Variants in RTKN2 observed in about 807,000 individuals in gnomAD.
RTKN2 encodes rhotekin 2, also known as rhotekin-2.
RTKN2 carries 69 observed loss-of-function variants against 71.5 expected under a neutral mutation model. The observed-to-expected ratio is 0.96, with a 90% CI of 0.79 to 1.18. RTKN2 has a LOEUF of 1.18. Among genes scored for constraint, RTKN2 ranks in the 50% most tolerant of loss-of-function variants. RTKN2 has a pLI of 0.00. For missense variants in RTKN2, 724 were observed against 719.7 expected, an observed-to-expected ratio of 1.01 and a Z score of -0.07; for synonymous variants, 236 against 236.5, an observed-to-expected ratio of 1.00 and a Z score of 0.02.
intron 7 of RTKN2, among the ~76,000 whole-genome samples, chr10:62,218,673 C>G (rs1005807350): frequency 1.3e-5 from 2 of 152,144 alleles, no homozygotes; most frequent in African/African-American, 4.8e-5. Flanking sequence ...TTGTCAAATT[C>G]TACTTTTTGT....
chr10:62,221,026 G>T (rs1443197209), intron 7 of RTKN2, among the ~76,000 whole-genome samples: 3 of 151,434 alleles, frequency 2.0e-5, no homozygotes, highest in Non-Finnish European at 4.4e-5. Context: ...AAATTCTAAG[G>T]CTTATAATTC....
chr10:62,248,122 A>T (rs1842511497), intron 2 of RTKN2, among the ~76,000 whole-genome samples: 1 of 152,110 alleles, frequency 6.6e-6, no homozygotes. Context: ...TCTCCCCTGC[A>T]ATTATAAATT....
Position 62,199,607 on chromosome 10 carries a change from T to C in RTKN2, c.1294+147A>G, listed in dbSNP as rs921580607. 2.2e-5 allele frequency: 11 copies of C among 497,448 alleles called. No individual in the cohort carries two copies. The Admixed American group carries it at 3.7e-4, about 17-fold the overall frequency. 30.8% of individuals were successfully genotyped at this position (497,448 alleles called of 1,614,324 possible). ...TATTAATTCATCTATTAAACATGAG[T>C]TCCTTAGTCTATAATCAGTCTTTTT... On this transcript the variant is annotated intron_variant, in intron 11 of 11. Transcript: ENST00000373789.
intron 7 of RTKN2, among the ~76,000 whole-genome samples, chr10:62,222,134 G>A (rs1256882784): frequency 6.6e-6 from 1 of 152,096 alleles, no homozygotes; most frequent in Non-Finnish European, 1.5e-5. Context: ...CTTGAGACAG[G>A]GTCTCACTCT....
At chr10:62,228,007 G>A (rs1260985030) in intron 6 of RTKN2, among the ~76,000 whole-genome samples, 4 of 152,042 alleles carry the variant, frequency 2.6e-5, no homozygotes, top group African/African-American at 9.7e-5. Context: ...TTCAGTTTGG[G>A]GCAAATAAGT....
At chr10:62,261,492 A>G (rs1842773775) in intron 2 of RTKN2, among the ~76,000 whole-genome samples, 1 of 148,596 alleles carries the variant, frequency 6.7e-6, no homozygotes, top group African/African-American at 2.5e-5. Context: ...ATACAAATAC[A>G]AAAAAAAAAT....
intron 2 of RTKN2, chr10:62,259,315 A>C: frequency 3.2e-6 from 1 of 312,524 alleles, no homozygotes; most frequent in Non-Finnish European, 6.6e-6. Flanking sequence ...AACAGTGTGA[A>C]AATGAACTAA....
chr10:62,219,359 T>C (rs1841854613), intron 7 of RTKN2, among the ~76,000 whole-genome samples: 1 of 152,124 alleles, frequency 6.6e-6, no homozygotes, highest in African/African-American at 2.4e-5. Flanking sequence ...TAGAGCCCAA[T>C]GAATGAAGAA....
chr10:62,233,375 T>G (rs1241332651), intron 6 of RTKN2, among the ~76,000 whole-genome samples: 1 of 152,124 alleles, frequency 6.6e-6, no homozygotes, highest in East Asian at 1.9e-4. Context: ...TAAAGTACCT[T>G]CCAGCAAATC....
At chr10:62,257,260 T>C (rs765402854) in intron 2 of RTKN2, among the ~76,000 whole-genome samples, 1 of 152,168 alleles carries the variant, frequency 6.6e-6, no homozygotes, top group African/African-American at 2.4e-5. Context: ...TCAGACATTG[T>C]CCCTGTTTCC....
rs1242542131 is a variant in RTKN2, at chr10:62,196,445, C to G, written c.*1463G>C. On this transcript the variant is annotated 3_prime_UTR_variant, in exon 12 of 12. Coordinates refer to ENST00000373789, the MANE Select transcript of RTKN2 (RefSeq NM_145307.4). ...TTCAATTCTTACTAGGAGTCCTGGGCAAACACAAAAGTGTCCTGGCAGTTA... is the reference window on the plus strand; with the variant it reads ...TTCAATTCTTACTAGGAGTCCTGGGGAAACACAAAAGTGTCCTGGCAGTTA... The G allele has an allele frequency of 6.1e-6, 6 of 985,214 alleles. No homozygotes were observed. The highest frequency in any genetic ancestry group is 6.0e-6 in the Non-Finnish European group (5 of 829,876). The allele number at this position is 985,214 out of a possible 1,614,324, so 61.0% of individuals were successfully genotyped here.
Position 62,196,625 on chromosome 10 carries a change from A to G in RTKN2, c.*1283T>C. 2.0e-6 allele frequency: 2 copies of G among 983,110 alleles called. No individual in the cohort carries two copies. The highest frequency in any genetic ancestry group is 2.4e-6 in the Non-Finnish European group (2 of 827,814). The allele number at this position is 983,110 out of a possible 1,614,324, so 60.9% of individuals were successfully genotyped here. ...TCTTGCTAGCTTTAAAAAGATCTCA[A>G]GAGATTATACACAGGGCAGCAATTT... On this transcript the variant is annotated 3_prime_UTR_variant, in exon 12 of 12. Coordinates refer to ENST00000373789, the MANE Select transcript of RTKN2 (RefSeq NM_145307.4).
intron 5 of RTKN2, 173 bp downstream of exon 5, chr10:62,239,475 T>G: frequency 2.4e-6 from 1 of 421,572 alleles, no homozygotes; most frequent in Non-Finnish European, 4.2e-6. Flanking sequence ...AAACTGCAGA[T>G]AGAGAAATGG....
At chr10:62,242,230 CTCTTACTTGCTAATT>C (rs1409251039) in intron 3 of RTKN2, among the ~76,000 whole-genome samples, 1 of 152,020 alleles carries the variant, frequency 6.6e-6, no homozygotes, top group African/African-American at 2.4e-5. Flanking sequence ...AAACACCTTA[CTCTTACTTGCTAATT>C]TCTTTATATA....
At chr10:62,220,887 T>C (rs1841890612) in intron 7 of RTKN2, among the ~76,000 whole-genome samples, 1 of 152,024 alleles carries the variant, frequency 6.6e-6, no homozygotes, top group Admixed American at 6.6e-5. Context: ...GAATTATATG[T>C]TCAATATTCA....
At chr10:62,263,332 T>C (rs1225360493) in intron 1 of RTKN2, among the ~76,000 whole-genome samples, 5 of 152,134 alleles carry the variant, frequency 3.3e-5, no homozygotes, top group Non-Finnish European at 7.4e-5. Context: ...CAAGGATTGA[T>C]GGCAACAATC....
chr10:62,214,953 T>A (rs1841736362), intron 9 of RTKN2: 5 of 652,400 alleles, frequency 7.7e-6, no homozygotes, highest in Admixed American at 3.4e-5. Context: ...TTCTATCTGA[T>A]CTCTGAGACT....
chr10:62,250,516 AG>A (rs2133055311), intron 2 of RTKN2, among the ~76,000 whole-genome samples: 1 of 152,350 alleles, frequency 6.6e-6, no homozygotes, highest in East Asian at 1.9e-4. Context: ...AACCAAATAC[AG>A]TATTCTCTTC....
chr10:62,190,910 A>T (rs12769216), downstream of RTKN2, among the ~76,000 whole-genome samples: 11,818 of 152,130 alleles, frequency 0.078, 618 homozygotes, highest in South Asian at 0.26. Flanking sequence ...AATTTACTTC[A>T]CAATACGCTC....
Sources: gnomAD v4.1 joint callset for allele counts (sites outside exome capture counted in the v4.1 genomes callset) on GRCh38, gnomAD v4.1.1 for gene constraint, MANE v1.5 for transcripts, NCBI Gene and HGNC (gene_info 2026-07-23, HGNC 2026-07-21) for gene names.